SMAD3: variants seen among roughly 807,000 people sequenced by gnomAD.
SMAD3 encodes SMAD family member 3, also known as MAD homolog 3.
SMAD3 carries 12 observed loss-of-function variants against 51.8 expected under a neutral mutation model. That is an observed-to-expected ratio of 0.23 (90% CI 0.15 to 0.38). The LOEUF is 0.38. SMAD3 is among the 10% of genes least tolerant of loss of function. The pLI, the probability that SMAD3 is intolerant of heterozygous loss-of-function variation, is 1.00. For missense variants in SMAD3, 294 were observed against 565.6 expected (o/e 0.52, Z 4.87); for synonymous variants, 238 against 227.7 (o/e 1.05, Z -0.41).
At chr15:67,142,338 G>T (rs936547121) in intron 1 of SMAD3, among the ~76,000 whole-genome samples, 1 of 152,000 alleles carries the variant, frequency 6.6e-6, no homozygotes, top group African/African-American at 2.4e-5. Context: ...GGTTTGCGTG[G>T]AATTGTACTA....
rs11333560 is a variant in SMAD3, at chr15:67,169,622, A to ATT, written c.608-914_608-913dup. Among the ~76,000 whole-genome samples, 629 of 127,914 alleles carry ATT rather than the reference A, an allele frequency of 4.9e-3. 11 individuals are homozygous for ATT. The highest frequency in any genetic ancestry group is 0.017 in the African/African-American group (582 of 33,514). 83.9% of individuals were successfully genotyped at this position (127,914 alleles called of 152,430 possible). ...CCTCAGCCTTCACCACTTACGGCTTATTTTTTTTTTTTTTTTTTTCTGTAG... is the reference window on the plus strand; with the variant it reads ...CCTCAGCCTTCACCACTTACGGCTTATTTTTTTTTTTTTTTTTTTTTCTGTAG... On this transcript the variant is annotated intron_variant, in intron 4 of 8. Transcript: ENST00000327367.
At position 67,191,231 on chromosome 15, in the gene SMAD3, T is replaced by C; in HGVS notation, c.*695T>C. The C allele has an allele frequency of 4.3e-6, 1 of 233,694 alleles. No individual in the cohort carries two copies. Among genetic ancestry groups the C allele is most frequent in the Non-Finnish European group, 8.5e-6 (1 of 118,278 alleles). The allele number at this position is 233,694 out of a possible 1,614,324, so 14.5% of individuals were successfully genotyped here. A position where few individuals can be genotyped will look rare whatever the true frequency, so the allele number is the denominator to read the frequency against. On this transcript the variant is annotated 3_prime_UTR_variant, in exon 9 of 9. Coordinates refer to ENST00000327367, the MANE Select transcript of SMAD3 (RefSeq NM_005902.4). Reference sequence around the variant, plus strand: ...GAGCGCCACCTCTTTAAAAACTCACTTACGTTTGTCCTTTTTCACTTTGAA... The same window carrying C: ...GAGCGCCACCTCTTTAAAAACTCACCTACGTTTGTCCTTTTTCACTTTGAA...
At chr15:67,142,858 A>C in intron 1 of SMAD3, 1 of 454,816 alleles carries the variant, frequency 2.2e-6, no homozygotes, top group East Asian at 7.0e-5. Flanking sequence ...TAGAGCTGGA[A>C]CACAGGGACA....
At chr15:67,135,817 C>G (rs141543024) in intron 1 of SMAD3, among the ~76,000 whole-genome samples, 11 of 152,284 alleles carry the variant, frequency 7.2e-5, no homozygotes, top group Admixed American at 1.3e-4. Flanking sequence ...ATTTGAATTA[C>G]GGGCAAGTGG....
chr15:67,121,691 C>T (rs1052134014), intron 1 of SMAD3, among the ~76,000 whole-genome samples: 1 of 151,932 alleles, frequency 6.6e-6, no homozygotes, highest in Non-Finnish European at 1.5e-5. Context: ...TACAGTATGC[C>T]TGATTTCTCT....
intron 8 of SMAD3, among the ~76,000 whole-genome samples, chr15:67,190,040 TG>T (rs1345156675): frequency 6.6e-6 from 1 of 151,930 alleles, no homozygotes; most frequent in Non-Finnish European, 1.5e-5. Context: ...TTGGTACAGA[TG>T]GGAGCCAGGA....
chr15:67,112,029 C>A (rs959766037), intron 1 of SMAD3, among the ~76,000 whole-genome samples: 2 of 152,030 alleles, frequency 1.3e-5, no homozygotes, highest in African/African-American at 4.8e-5. Context: ...CTCAGATGAT[C>A]CACCTGCCTC....
intron 1 of SMAD3, chr15:67,138,103 A>C (rs1211315827): frequency 6.4e-7 from 1 of 1,550,456 alleles, no homozygotes; most frequent in East Asian, 2.4e-5. Flanking sequence ...ATGGGGAGGT[A>C]GGAGCCCCGT....
In SMAD3 at chr15:67,164,999, G is replaced by A. The variant is rs769657093; in HGVS notation, c.311G>A (p.Arg104Gln). The A allele has an allele frequency of 2.2e-5, 35 of 1,613,988 alleles. No homozygotes were observed. Among genetic ancestry groups the A allele is most frequent in the Non-Finnish European group, 2.7e-5 (32 of 1,180,038 alleles). Residue 104 changes from arginine (R) to glutamine (Q), a missense_variant, in exon 2 of 9, where the codon CGG (arginine) becomes CAG (glutamine). Physicochemically the swap from Arg to Gln is conservative, Grantham distance 43 (BLOSUM62 1). Coordinates refer to ENST00000327367, the MANE Select transcript of SMAD3 (RefSeq NM_005902.4). ...WPDLHSHHEL[R>Q]AMELCEFAFN... is the part of the protein sequence containing the mutation. ...GACCTGCACAGCCACCACGAGCTAC[G>A]GGCCATGGAGCTGTGTGAGTTCGCC...
intron 3 of SMAD3, chr15:67,166,558 G>C (rs1299850630): frequency 9.6e-6 from 6 of 622,392 alleles, no homozygotes; most frequent in South Asian, 3.7e-5. Context: ...GAGTTGATCC[G>C]GTCCTGCGTG....
At chr15:67,108,583 T>C (rs1960933349) in intron 1 of SMAD3, among the ~76,000 whole-genome samples, 1 of 152,202 alleles carries the variant, frequency 6.6e-6, no homozygotes, top group Non-Finnish European at 1.5e-5. Flanking sequence ...CCACGATATG[T>C]TGAAATCATT....
intron 1 of SMAD3, among the ~76,000 whole-genome samples, chr15:67,103,576 T>G (rs1429413982): frequency 1.3e-5 from 2 of 152,106 alleles, no homozygotes; most frequent in Non-Finnish European, 2.9e-5. Flanking sequence ...GATCCCTGAG[T>G]CCCACTCACC....
chr15:67,141,173 G>A (rs768314569), intron 1 of SMAD3, among the ~76,000 whole-genome samples: 1 of 152,174 alleles, frequency 6.6e-6, no homozygotes, highest in East Asian at 1.9e-4. Context: ...TGGGCTGACC[G>A]CAAGTGAGGT....
Position 67,125,784 on chromosome 15 carries a change from G to T in SMAD3, c.207-39111G>T, listed in dbSNP as rs574101584. On this transcript the variant is annotated intron_variant, in intron 1 of 8. Coordinates refer to ENST00000327367, the MANE Select transcript of SMAD3 (RefSeq NM_005902.4). Reference sequence around the variant, plus strand: ...TGCTGCTGAGTTCACTGGTGCTGGGGTTAGGTCACTGCTGGGCTGAAGCGC... The same window carrying T: ...TGCTGCTGAGTTCACTGGTGCTGGGTTTAGGTCACTGCTGGGCTGAAGCGC... 88 of 985,606 alleles carry T rather than the reference G, an allele frequency of 8.9e-5. No homozygotes were observed. In the African/African-American group the frequency reaches 1.5e-3, roughly 16 times the overall value. The allele number at this position is 985,606 out of a possible 1,614,324, so 61.1% of individuals were successfully genotyped here.
At position 67,067,694 on chromosome 15, in the gene SMAD3, G is replaced by A. The variant is rs543169778; in HGVS notation, c.206+1334G>A. ...GAAATAAATGCCACATATGGTGGGAGTGCGGACTTAAATTTTTTTTAACTG... is the reference window on the plus strand; with the variant it reads ...GAAATAAATGCCACATATGGTGGGAATGCGGACTTAAATTTTTTTTAACTG... On this transcript the variant is annotated intron_variant, in intron 1 of 8. Coordinates refer to ENST00000327367, the MANE Select transcript of SMAD3 (RefSeq NM_005902.4). 2.0e-5 allele frequency among the ~76,000 whole-genome samples: 3 copies of A among 152,328 alleles called. No homozygotes were observed. The East Asian group carries it at 5.8e-4, about 29-fold the overall frequency.
intron 6 of SMAD3, among the ~76,000 whole-genome samples, chr15:67,183,393 C>T (rs1437783101): frequency 1.3e-5 from 2 of 149,642 alleles, no homozygotes; most frequent in Admixed American, 6.8e-5. Flanking sequence ...TCTGGGTCTT[C>T]GCATCCCCAC....
intron 1 of SMAD3, among the ~76,000 whole-genome samples, chr15:67,107,990 C>T (rs1307037698): frequency 8.7e-5 from 13 of 149,992 alleles, no homozygotes; most frequent in Admixed American, 6.7e-5. Context: ...CACCACCTCC[C>T]GCGCTGTGCC....
rs145131010 is a variant in SMAD3, at chr15:67,143,459, G to C, written c.207-21436G>C. ...TTTTAGAGTTGTTTGTTTGGAGGCA[G>C]AGTCTCACCCTGTAGCCCAGGCTGG... On this transcript the variant is annotated intron_variant, in intron 1 of 8. Coordinates refer to ENST00000327367, the MANE Select transcript of SMAD3 (RefSeq NM_005902.4). 8.8e-3 allele frequency among the ~76,000 whole-genome samples: 1,339 copies of C among 152,284 alleles called. 12 individuals are homozygous for C. The highest frequency in any genetic ancestry group is 0.058 in the South Asian group (281 of 4,822).
intron 5 of SMAD3, among the ~76,000 whole-genome samples, chr15:67,176,635 C>T (rs925913257): frequency 6.6e-6 from 1 of 152,158 alleles, no homozygotes; most frequent in Non-Finnish European, 1.5e-5. Context: ...ATTCTGTTTT[C>T]TTTTTCTTAA....
Sources: allele counts gnomAD v4.1 joint callset (sites outside exome capture counted in the v4.1 genomes callset), GRCh38; gene constraint gnomAD v4.1.1; transcripts MANE v1.5; gene names NCBI Gene and HGNC (gene_info 2026-07-23, HGNC 2026-07-21).